Variants in IL19 observed in about 807,000 individuals in gnomAD.
IL19 encodes the protein interleukin-19.
A neutral mutation model predicts 19.5 loss-of-function variants in IL19; 15 were observed. The ratio of observed to expected loss-of-function variants is 0.77; its 90% confidence interval spans 0.52 to 1.19. The LOEUF is 1.19. IL19 is among the 50% of genes most tolerant of loss of function. IL19 has a pLI of 0.00. For synonymous variants in IL19, 78 were observed against 78.3 expected (o/e 1.00, Z 0.02); for missense variants, 199 against 213.1 (o/e 0.93, Z 0.41).
At chr1:206,777,653 G>A (rs983905256) in intron 1 of IL19, among the ~76,000 whole-genome samples, 16 of 152,164 alleles carry the variant, frequency 1.1e-4, no homozygotes, top group Non-Finnish European at 2.1e-4. Flanking sequence ...CAGAGAGCAG[G>A]CAGGTTGACG....
In IL19 at chr1:206,836,954, A is replaced by C. The variant is rs759269309; in HGVS notation, c.145-4A>C. On this transcript the variant is annotated splice_polypyrimidine_tract_variant and splice_region_variant and intron_variant, in intron 3 of 6. Coordinates refer to ENST00000659997, the MANE Select transcript of IL19 (RefSeq NM_153758.5). The stretch of plus-strand genomic sequence containing the variant: ...TATGTCTGTTCTTATGTTTCCCTCC[A>C]CAGCAAGCTAAGGACACCTTCCCAA... 22 of 1,613,290 alleles carry C rather than the reference A, an allele frequency of 1.4e-5. No homozygotes were observed. The highest frequency in any genetic ancestry group is 1.9e-5 in the Non-Finnish European group (22 of 1,179,344).
chr1:206,806,773 T>G (rs12088521), intron 2 of IL19, among the ~76,000 whole-genome samples: 42,737 of 151,866 alleles, frequency 0.28, 6,694 homozygotes, highest in East Asian at 0.67. Context: ...ATATCATATT[T>G]TATCCGGACC....
rs1019080518 is a variant in IL19 at position 206,774,447 on chromosome 1, G to A, written c.-149+3369G>A. Reference sequence around the variant, plus strand: ...TCTTGCACCTTTCTCCTTCCCCCTCGGCTCCTGGGTTTTCTGGGCTGTGTC... The same window carrying A: ...TCTTGCACCTTTCTCCTTCCCCCTCAGCTCCTGGGTTTTCTGGGCTGTGTC... On this transcript the variant is annotated intron_variant, in intron 1 of 6. Coordinates refer to ENST00000659997, the MANE Select transcript of IL19 (RefSeq NM_153758.5). Among the ~76,000 whole-genome samples, 12 of 152,106 alleles carry A rather than the reference G, an allele frequency of 7.9e-5. No homozygotes were observed. The South Asian group carries it at 1.0e-3, about 13-fold the overall frequency.
chr1:206,837,096 C>T, intron 4 of IL19, 73 bp downstream of exon 4: 2 of 1,189,196 alleles, frequency 1.7e-6, no homozygotes, highest in South Asian at 1.3e-5. Flanking sequence ...AGAAAGAAAT[C>T]CCTACCTTGT....
intron 2 of IL19, among the ~76,000 whole-genome samples, chr1:206,832,631 A>G (rs1343534257): frequency 1.3e-5 from 2 of 152,174 alleles, no homozygotes; most frequent in Non-Finnish European, 2.9e-5. Context: ...TAAACTCCCC[A>G]TCTCCATGCA....
chr1:206,796,303 A>C (rs1382318005), intron 1 of IL19, among the ~76,000 whole-genome samples: 4 of 152,204 alleles, frequency 2.6e-5, no homozygotes, highest in South Asian at 2.1e-4. Flanking sequence ...TCAAATGCTA[A>C]TCTCTTCCAG....
chr1:206,773,278 G>A (rs1674907519), intron 1 of IL19, among the ~76,000 whole-genome samples: 1 of 152,152 alleles, frequency 6.6e-6, no homozygotes, highest in South Asian at 2.1e-4. Context: ...AGCAAACTGA[G>A]GCACAGAGAT....
rs1200270622 is a variant in IL19, at chr1:206,772,408, G to A, written c.-149+1330G>A. The A allele has an allele frequency of 2.5e-6, 4 of 1,614,222 alleles. No individual in the cohort carries two copies. The Admixed American group carries it at 5.0e-5, about 20-fold the overall frequency. On this transcript the variant is annotated intron_variant, in intron 1 of 6. Coordinates refer to ENST00000659997, the MANE Select transcript of IL19 (RefSeq NM_153758.5). ...GCCCTCACCCCAGTCAGGAGGACCA[G>A]GCAACAGAGCAGTGCTGAGCTGTGC...
At chr1:206,835,192 C>A (rs1000056725) in intron 2 of IL19, among the ~76,000 whole-genome samples, 1 of 152,160 alleles carries the variant, frequency 6.6e-6, no homozygotes, top group Non-Finnish European at 1.5e-5. Flanking sequence ...CTGAGAGTTA[C>A]CTTGTCAGAA....
chr1:206,793,840 G>T (rs893793415), intron 1 of IL19, among the ~76,000 whole-genome samples: 3 of 152,198 alleles, frequency 2.0e-5, no homozygotes, highest in Non-Finnish European at 1.5e-5. Context: ...AGTGATTAAT[G>T]GCATCATCTG....
intron 1 of IL19, 68 bp downstream of exon 1, chr1:206,771,146 G>A (rs1558602919): frequency 6.9e-7 from 1 of 1,453,362 alleles, no homozygotes; most frequent in Non-Finnish European, 9.7e-7. Context: ...AGGACAGCTT[G>A]GTTCTAGCGA....
intron 2 of IL19, among the ~76,000 whole-genome samples, chr1:206,827,476 G>A (rs192086927): frequency 1.5e-3 from 222 of 152,208 alleles, no homozygotes; most frequent in African/African-American, 5.1e-3. Flanking sequence ...GGATCACGAG[G>A]TCAGGAGATC....
Position 206,799,223 on chromosome 1 carries a change from G to A in IL19, c.-3+217G>A, listed in dbSNP as rs183477189. Among the ~76,000 whole-genome samples the A allele has an allele frequency of 7.9e-5, 12 of 152,180 alleles. No homozygotes were observed. In the East Asian group the frequency reaches 2.3e-3, roughly 29 times the overall value. ...TACTGGAGATGCTGAGGGTGAGTGA[G>A]GGAGTGTAGGGTGGAAAGGCAGACA... On this transcript the variant is annotated intron_variant, in intron 2 of 6. Transcript: ENST00000659997.
chr1:206,781,876 T>C (rs1247035652), intron 1 of IL19, among the ~76,000 whole-genome samples: 4 of 137,846 alleles, frequency 2.9e-5, no homozygotes, highest in Admixed American at 1.5e-4. Flanking sequence ...TAGTTATATA[T>C]ACATATATAT....
intron 1 of IL19, among the ~76,000 whole-genome samples, chr1:206,789,023 T>C (rs1435861999): frequency 6.6e-6 from 1 of 152,230 alleles, no homozygotes; most frequent in Non-Finnish European, 1.5e-5. Context: ...GTGTCTGTTG[T>C]TTCCACCAAT....
At chr1:206,800,222 T>C (rs1189506956) in intron 2 of IL19, among the ~76,000 whole-genome samples, 1 of 152,238 alleles carries the variant, frequency 6.6e-6, no homozygotes, top group Non-Finnish European at 1.5e-5. Flanking sequence ...CCCATTGAGC[T>C]TCCAGTGTAG....
chr1:206,840,579 A>C (rs1304406203), intron 5 of IL19: 1 of 208,018 alleles, frequency 4.8e-6, no homozygotes, highest in African/African-American at 2.3e-5. Context: ...AGAAGAGTTG[A>C]TGGCCCCTGT....
intron 2 of IL19, among the ~76,000 whole-genome samples, chr1:206,805,218 C>T (rs181092976): frequency 1.7e-4 from 26 of 152,302 alleles, no homozygotes; most frequent in Non-Finnish European, 2.9e-4. Context: ...AGTGAAAACA[C>T]ATCTGTACTG....
chr1:206,786,325 A>G (rs1675269004), intron 1 of IL19, among the ~76,000 whole-genome samples: 1 of 152,352 alleles, frequency 6.6e-6, no homozygotes, highest in Non-Finnish European at 1.5e-5. Context: ...GGCCAGTACT[A>G]TCACGACAGC....
Sources: allele counts gnomAD v4.1 joint callset (sites outside exome capture counted in the v4.1 genomes callset), GRCh38; gene constraint gnomAD v4.1.1; transcripts MANE v1.5; gene names NCBI Gene and HGNC (gene_info 2026-07-23, HGNC 2026-07-21).